The following DOCK4 variants were observed in gnomAD, a reference collection of about 807,000 sequenced individuals.
DOCK4 encodes dedicator of cytokinesis 4.
DOCK4 carries 97 observed loss-of-function variants against 268.1 expected under a neutral mutation model. That is an observed-to-expected ratio of 0.36 (90% CI 0.31 to 0.43). DOCK4 has a LOEUF of 0.43. Among genes scored for constraint, DOCK4 ranks in the 20% least tolerant of loss-of-function variants. The probability of loss-of-function intolerance (pLI) is 1.00; values close to 1 mark genes in which losing one functional copy is unlikely to be tolerated. For synonymous variants in DOCK4, 954 were observed against 887.2 expected (o/e 1.08, Z -1.34); for missense variants, 2,145 against 2,455.7 (o/e 0.87, Z 2.67).
At chr7:111,911,998 A>T (rs1787059908) in intron 13 of DOCK4, among the ~76,000 whole-genome samples, 1 of 152,174 alleles carries the variant, frequency 6.6e-6, no homozygotes, top group Admixed American at 6.5e-5. Context: ...CAACAGTACC[A>T]TGAGATGCTC....
At chr7:112,031,812 C>G (rs866257649) in intron 1 of DOCK4, among the ~76,000 whole-genome samples, 4 of 152,250 alleles carry the variant, frequency 2.6e-5, no homozygotes, top group African/African-American at 4.8e-5. Context: ...TGCTGACAAA[C>G]CAGAATTACA....
chr7:112,082,771 C>T (rs1007452757), intron 1 of DOCK4, among the ~76,000 whole-genome samples: 1 of 152,096 alleles, frequency 6.6e-6, no homozygotes, highest in Non-Finnish European at 1.5e-5. Flanking sequence ...ACAGTACTTG[C>T]TGAGACATTT....
chr7:111,762,762 CTTTTTTT>C lies in DOCK4; in HGVS notation c.4020+2349_4020+2355del, dbSNP rs869052136. On this transcript the variant is annotated intron_variant, in intron 39 of 52. Coordinates refer to ENST00000428084, the MANE Select transcript of DOCK4 (RefSeq NM_001363540.2). ...TAAATAACCCATTTTGTTTTGTTTT[CTTTTTTT>C]TTTTTTTTTTTTTTTTTGGAGACAG... is the stretch of plus-strand genomic sequence containing the variant. Among the ~76,000 whole-genome samples, 27 of 63,074 alleles carry C rather than the reference CTTTTTTT, an allele frequency of 4.3e-4. 1 individual carries two copies. The highest frequency in any genetic ancestry group is 2.7e-3 in the South Asian group (3 of 1,132). The allele number at this position is 63,074 out of a possible 152,430, so 41.4% of individuals were successfully genotyped here. A position where few individuals can be genotyped will look rare whatever the true frequency, so the allele number is the denominator to read the frequency against.
rs377724244 is a variant in DOCK4 at position 112,114,952 on chromosome 7, CT to C, written c.37+91149del. ...CTCTCCAGAAGGGTCTCAGGGACCC[CT>C]AGACTCCACCTTGAGAGCACCTACT... On this transcript the variant is annotated intron_variant, in intron 1 of 52. Transcript: ENST00000428084. Among the ~76,000 whole-genome samples the C allele has an allele frequency of 3.8e-3, 579 of 152,264 alleles. 5 individuals are homozygous for C. Among genetic ancestry groups the C allele is most frequent in the African/African-American group, 0.013 (549 of 41,552 alleles).
rs1800831963 is a variant in DOCK4, at chr7:112,006,035, AC to A, written c.38-1905del. Among the ~76,000 whole-genome samples the A allele has an allele frequency of 2.6e-5, 4 of 152,118 alleles. No individual in the cohort carries two copies. In the East Asian group the frequency reaches 7.7e-4, roughly 29 times the overall value. ...TGTCACACTCGCCAGCCTTCTCCAC[AC>A]CTTCTTTCTTAGCCCTCCTCTTAAA... On this transcript the variant is annotated intron_variant, in intron 1 of 52. Coordinates refer to ENST00000428084, the MANE Select transcript of DOCK4 (RefSeq NM_001363540.2).
intron 49 of DOCK4, among the ~76,000 whole-genome samples, chr7:111,737,519 T>C (rs1410395206): frequency 6.6e-6 from 1 of 152,060 alleles, no homozygotes; most frequent in Non-Finnish European, 1.5e-5. Context: ...AAAAAATCAC[T>C]AGTGAGTGAA....
intron 27 of DOCK4, chr7:111,820,534 A>C (rs1193839492): frequency 6.6e-6 from 1 of 152,182 alleles, no homozygotes. Context: ...GTGTTTACGC[A>C]AAGGTAGAAT....
intron 1 of DOCK4, among the ~76,000 whole-genome samples, chr7:112,040,678 T>C (rs78580300): frequency 1.4e-4 from 22 of 152,154 alleles, no homozygotes; most frequent in African/African-American, 5.1e-4. Context: ...TTTCAATAAA[T>C]AGATACATTA....
chr7:111,851,731 C>T (rs540890193), intron 23 of DOCK4, among the ~76,000 whole-genome samples: 2 of 151,468 alleles, frequency 1.3e-5, no homozygotes, highest in East Asian at 3.9e-4. Flanking sequence ...ATCTGTAAAA[C>T]GAGGCTAGCA....
intron 7 of DOCK4, among the ~76,000 whole-genome samples, chr7:111,980,316 C>T (rs929787596): frequency 2.0e-4 from 30 of 151,994 alleles, no homozygotes; most frequent in African/African-American, 6.8e-4. Context: ...TCAGTACTTC[C>T]GCAAACTGCT....
intron 1 of DOCK4, among the ~76,000 whole-genome samples, chr7:112,121,813 G>A (rs1022140381): frequency 6.6e-6 from 1 of 152,062 alleles, no homozygotes; most frequent in Non-Finnish European, 1.5e-5. Flanking sequence ...CCACTCATGC[G>A]CTGAAACTGC....
chr7:111,857,889 A>G (rs1805143208), intron 23 of DOCK4, among the ~76,000 whole-genome samples: 1 of 152,230 alleles, frequency 6.6e-6, no homozygotes, highest in Non-Finnish European at 1.5e-5. Flanking sequence ...GCAAATAGGA[A>G]GAATAAAATC....
chr7:111,746,548 G>C, intron 43 of DOCK4, 131 bp from the exon 44 acceptor site: 2 of 664,254 alleles, frequency 3.0e-6, no homozygotes, highest in South Asian at 3.8e-5. Context: ...CAGATGGGCT[G>C]ATTACTAGTG....
intron 49 of DOCK4, among the ~76,000 whole-genome samples, chr7:111,737,769 G>A (rs1303272537): frequency 6.6e-6 from 1 of 152,176 alleles, no homozygotes; most frequent in South Asian, 2.1e-4. Flanking sequence ...GCTAATCAGA[G>A]AAGGCTTTCA....
chr7:111,728,250 A>T lies in DOCK4; in HGVS notation c.*24T>A, dbSNP rs1794777705. On this transcript the variant is annotated 3_prime_UTR_variant, in exon 53 of 53. Transcript: ENST00000428084. ...TATTTTGTAAACGGGCAAAGAATGCATCGCAGGTACATAGAAAAGTGACTT... is the reference window on the plus strand; with the variant it reads ...TATTTTGTAAACGGGCAAAGAATGCTTCGCAGGTACATAGAAAAGTGACTT... The T allele has an allele frequency of 6.9e-7, 1 of 1,453,258 alleles. No individual in the cohort carries two copies. Among genetic ancestry groups the T allele is most frequent in the Admixed American group, 2.5e-5 (1 of 39,688 alleles). The allele number at this position is 1,453,258 out of a possible 1,614,324, so 90.0% of individuals were successfully genotyped here. A position where few individuals can be genotyped will look rare whatever the true frequency, so the allele number is the denominator to read the frequency against.
At chr7:111,945,940 G>C (rs1053782635) in intron 8 of DOCK4, 142 bp from the exon 9 acceptor site, 26 of 626,834 alleles carry the variant, frequency 4.1e-5, no homozygotes, top group Non-Finnish European at 6.2e-5. Context: ...TAAATTAGGA[G>C]AGCTCCGAAG....
intron 12 of DOCK4, among the ~76,000 whole-genome samples, chr7:111,927,772 A>G (rs73428856): frequency 0.18 from 26,805 of 152,118 alleles, 2,863 homozygotes; most frequent in East Asian, 0.36. Flanking sequence ...TTCAGGACAC[A>G]TTACCCTAAA....
At chr7:111,949,039 G>A (rs1795849310) in intron 8 of DOCK4, among the ~76,000 whole-genome samples, 1 of 152,108 alleles carries the variant, frequency 6.6e-6, no homozygotes, top group Admixed American at 6.5e-5. Flanking sequence ...TATTTAGTCT[G>A]TTTCTTAGTA....
At chr7:111,962,384 A>G (rs1796977370) in intron 8 of DOCK4, among the ~76,000 whole-genome samples, 2 of 152,196 alleles carry the variant, frequency 1.3e-5, no homozygotes, top group South Asian at 2.1e-4. Context: ...TAATCCTCCA[A>G]TAACCCCATG....
Sources: allele counts gnomAD v4.1 joint callset (sites outside exome capture counted in the v4.1 genomes callset), GRCh38; gene constraint gnomAD v4.1.1; transcripts MANE v1.5; gene names NCBI Gene and HGNC (gene_info 2026-07-23, HGNC 2026-07-21).